Variants in ZNF253 observed in about 807,000 individuals in gnomAD.
ZNF253 encodes the protein zinc finger protein 253.
A neutral mutation model predicts 11.9 loss-of-function variants in ZNF253; 8 were observed. The observed-to-expected ratio is 0.67, with a 90% CI of 0.40 to 1.22. The LOEUF (loss-of-function observed/expected upper bound fraction) is 1.22, where lower values mean the gene tolerates loss of function less well. Ranked by LOEUF, ZNF253 falls within the 50% of genes most tolerant of loss-of-function variation. The pLI is 0.01. For synonymous variants in ZNF253, 194 were observed against 194.9 expected, an observed-to-expected ratio of 1.00 and a Z score of 0.04; for missense variants, 485 against 586.9, an observed-to-expected ratio of 0.83 and a Z score of 1.79.
chr19:19,890,332 C>G (rs1045978874), intron 3 of ZNF253, among the ~76,000 whole-genome samples: 10 of 152,156 alleles, frequency 6.6e-5, no homozygotes, highest in Admixed American at 2.0e-4. Context: ...TACCTTTAGA[C>G]TCAGCAGACT....
At chr19:19,875,646 C>T (rs1323906661) in intron 1 of ZNF253, among the ~76,000 whole-genome samples, 2 of 152,284 alleles carry the variant, frequency 1.3e-5, no homozygotes, top group South Asian at 2.1e-4. Flanking sequence ...CCGCCCGCCT[C>T]GGCCTCCCAA....
In ZNF253 at chr19:19,875,373, C is replaced by T. The variant is rs543067293; in HGVS notation, c.4-3108C>T. On this transcript the variant is annotated intron_variant, in intron 1 of 3. Coordinates refer to ENST00000589717, the MANE Select transcript of ZNF253 (RefSeq NM_021047.3). ...GTAAATATAAACAGAATAAAATTTT[C>T]TCTAAACTACATTAAACTCTTTCTT... is the stretch of plus-strand genomic sequence containing the variant. Among the ~76,000 whole-genome samples, 21 of 149,460 alleles carry T rather than the reference C, an allele frequency of 1.4e-4. No individual in the cohort carries two copies. In the South Asian group the frequency reaches 4.4e-3, roughly 31 times the overall value.
chr19:19,883,950 G>A (rs1460748657), intron 3 of ZNF253, among the ~76,000 whole-genome samples: 2 of 151,808 alleles, frequency 1.3e-5, no homozygotes, highest in African/African-American at 4.8e-5. Context: ...CCAGCTCCTC[G>A]GGAGGCTGAG....
chr19:19,870,925 G>A (rs1218528646), intron 1 of ZNF253: 1 of 152,112 alleles, frequency 6.6e-6, no homozygotes, highest in African/African-American at 2.4e-5. Context: ...GCTTTTAGGG[G>A]AACATTTTCT....
intron 1 of ZNF253, among the ~76,000 whole-genome samples, chr19:19,871,756 A>G (rs1467278270): frequency 6.6e-6 from 1 of 152,200 alleles, no homozygotes; most frequent in Non-Finnish European, 1.5e-5. Context: ...CAGATTGACG[A>G]TGATGCATAT....
At chr19:19,888,502 G>T (rs568856206) in intron 3 of ZNF253, among the ~76,000 whole-genome samples, 6 of 150,988 alleles carry the variant, frequency 4.0e-5, no homozygotes, top group Admixed American at 4.0e-4. Context: ...TAGGCAGGTA[G>T]TTTCTTAGTG....
In ZNF253 at chr19:19,893,974, G is replaced by A. The variant is rs2063244315; in HGVS notation, c.*1227G>A. 6.6e-6 allele frequency: 1 copy of A among 152,172 alleles called. No homozygotes were observed. Among genetic ancestry groups the A allele is most frequent in the Admixed American group, 6.5e-5 (1 of 15,286 alleles). The allele number at this position is 152,172 out of a possible 1,614,324, so 9.4% of individuals were successfully genotyped here. ...TTTCTTTTCCAAAAATGACAGCTTA[G>A]AAAACACCAGAGGGTTTATACCAAA... On this transcript the variant is annotated 3_prime_UTR_variant, in exon 4 of 4. Coordinates refer to ENST00000589717, the MANE Select transcript of ZNF253 (RefSeq NM_021047.3).
rs146761217 is a variant in ZNF253, at chr19:19,893,384, T to G, written c.*637T>G. 6.6e-6 allele frequency: 1 copy of G among 152,304 alleles called. No homozygotes were observed. The highest frequency in any genetic ancestry group is 1.5e-5 in the Non-Finnish European group (1 of 68,116). The allele number at this position is 152,304 out of a possible 1,614,324, so 9.4% of individuals were successfully genotyped here. A position where few individuals can be genotyped will look rare whatever the true frequency, so the allele number is the denominator to read the frequency against. On this transcript the variant is annotated 3_prime_UTR_variant, in exon 4 of 4. Transcript: ENST00000589717. ...AGAGGAAATCTGGAAACCTGAAAGATGCGACATTGCTTTTACCAACACCTC... is the reference window on the plus strand; with the variant it reads ...AGAGGAAATCTGGAAACCTGAAAGAGGCGACATTGCTTTTACCAACACCTC...
chr19:19,871,663 A>G (rs1375539199), intron 1 of ZNF253, among the ~76,000 whole-genome samples: 2 of 152,162 alleles, frequency 1.3e-5, no homozygotes, highest in African/African-American at 2.4e-5. Context: ...TTTAGGATGA[A>G]CTATGTATGA....
intron 2 of ZNF253, 111 bp downstream of exon 2, chr19:19,878,718 C>A: frequency 8.0e-7 from 1 of 1,250,876 alleles, no homozygotes. Context: ...GAATTACAGG[C>A]ATAAGCCACT....
chr19:19,889,523 T>A (rs1387810686), intron 3 of ZNF253, among the ~76,000 whole-genome samples: 1 of 152,148 alleles, frequency 6.6e-6, no homozygotes, highest in Non-Finnish European at 1.5e-5. Context: ...TTTTTGTATT[T>A]TTAGTAGAGA....
At chr19:19,866,815 T>C (rs1043502664) in intron 1 of ZNF253, among the ~76,000 whole-genome samples, 3 of 152,154 alleles carry the variant, frequency 2.0e-5, no homozygotes, top group Non-Finnish European at 2.9e-5. Context: ...CCTTCCCCCA[T>C]TGGCCGGGGT....
At chr19:19,877,837 A>AT (rs1365090758) in intron 1 of ZNF253, among the ~76,000 whole-genome samples, 1 of 152,174 alleles carries the variant, frequency 6.6e-6, no homozygotes, top group Non-Finnish European at 1.5e-5. Context: ...GCTGATGTGC[A>AT]TAAACCATCA....
intron 1 of ZNF253, among the ~76,000 whole-genome samples, chr19:19,877,274 A>G (rs1599552710): frequency 6.6e-6 from 1 of 152,210 alleles, no homozygotes; most frequent in South Asian, 2.1e-4. Flanking sequence ...AGTTATCTAT[A>G]TTTTGAAGTT....
At chr19:19,871,678 G>A (rs1324676009) in intron 1 of ZNF253, among the ~76,000 whole-genome samples, 1 of 152,140 alleles carries the variant, frequency 6.6e-6, no homozygotes, top group Non-Finnish European at 1.5e-5. Context: ...GTATGACATG[G>A]TGCTGGAAAT....
chr19:19,891,128 C>A (rs2063227667), intron 3 of ZNF253, among the ~76,000 whole-genome samples: 1 of 152,132 alleles, frequency 6.6e-6, no homozygotes, highest in Non-Finnish European at 1.5e-5. Flanking sequence ...GCGTGAGCCA[C>A]CATGCCCAAC....
chr19:19,880,709 A>T (rs967737007), intron 3 of ZNF253, among the ~76,000 whole-genome samples: 1 of 151,082 alleles, frequency 6.6e-6, no homozygotes, highest in African/African-American at 2.4e-5. Flanking sequence ...CATCTCACAA[A>T]AAAAAAAAAA....
chr19:19,870,495 T>G (rs2063129697), intron 1 of ZNF253, among the ~76,000 whole-genome samples: 1 of 151,240 alleles, frequency 6.6e-6, no homozygotes, highest in Non-Finnish European at 1.5e-5. Flanking sequence ...ACCAAATTGT[T>G]AGAGTAGATA....
intron 1 of ZNF253, among the ~76,000 whole-genome samples, chr19:19,866,968 A>G (rs1291307381): frequency 6.6e-6 from 1 of 152,178 alleles, no homozygotes; most frequent in Non-Finnish European, 1.5e-5. Flanking sequence ...GGTCCTAAGA[A>G]CAAGGAACAA....
Sources: gnomAD v4.1 joint callset for allele counts (sites outside exome capture counted in the v4.1 genomes callset) on GRCh38, gnomAD v4.1.1 for gene constraint, MANE v1.5 for transcripts, NCBI Gene and HGNC (gene_info 2026-07-23, HGNC 2026-07-21) for gene names.